SLIT2: variants seen among roughly 807,000 people sequenced by gnomAD.
SLIT2 encodes slit guidance ligand 2, also known as slit homolog 2 protein.
A neutral mutation model predicts 185.7 loss-of-function variants in SLIT2; 41 were observed. That is an observed-to-expected ratio of 0.22 (90% CI 0.17 to 0.29). The LOEUF is 0.29. Ranked by LOEUF, SLIT2 falls within the 10% of genes least tolerant of loss-of-function variation. The pLI, the probability that SLIT2 is intolerant of heterozygous loss-of-function variation, is 1.00. For missense variants in SLIT2, 1,571 were observed against 1,909.0 expected (o/e 0.82, Z 3.30); for synonymous variants, 693 against 680.2 (o/e 1.02, Z -0.29).
At chr4:20,426,130 T>C (rs1025555524) in intron 4 of SLIT2, among the ~76,000 whole-genome samples, 1 of 152,158 alleles carries the variant, frequency 6.6e-6, no homozygotes, top group Non-Finnish European at 1.5e-5. Flanking sequence ...CAGTGTGTAG[T>C]GTGGTACCTA....
intron 4 of SLIT2, among the ~76,000 whole-genome samples, chr4:20,361,414 G>A (rs1560352827): frequency 6.6e-6 from 1 of 152,042 alleles, no homozygotes; most frequent in Non-Finnish European, 1.5e-5. Context: ...AAAACTGGAG[G>A]ACAACATATT....
chr4:20,401,875 A>G (rs1436368986), intron 4 of SLIT2, among the ~76,000 whole-genome samples: 3 of 151,972 alleles, frequency 2.0e-5, no homozygotes, highest in Non-Finnish European at 4.4e-5. Context: ...ATCTTAGTTT[A>G]TAAAAATTAT....
chr4:20,487,395 C>T (rs1027005089), intron 7 of SLIT2, among the ~76,000 whole-genome samples: 3 of 152,122 alleles, frequency 2.0e-5, no homozygotes, highest in African/African-American at 7.2e-5. Flanking sequence ...TTGATTCAAG[C>T]TTTCAATCTT....
chr4:20,361,854 A>C (rs1722768318), intron 4 of SLIT2, among the ~76,000 whole-genome samples: 2 of 152,148 alleles, frequency 1.3e-5, no homozygotes, highest in Admixed American at 1.3e-4. Flanking sequence ...CACAAAAAGC[A>C]TTCACATTTT....
At chr4:20,438,518 C>G (rs1729517200) in intron 4 of SLIT2, among the ~76,000 whole-genome samples, 1 of 152,164 alleles carries the variant, frequency 6.6e-6, no homozygotes, top group African/African-American at 2.4e-5. Flanking sequence ...TCATCTCCCA[C>G]TGGTTCCCTC....
At chr4:20,540,621 A>G (rs1214233524) in intron 19 of SLIT2, among the ~76,000 whole-genome samples, 2 of 152,220 alleles carry the variant, frequency 1.3e-5, no homozygotes, top group African/African-American at 4.8e-5. Flanking sequence ...TCTAACTGAT[A>G]AGATTTCTCA....
intron 34 of SLIT2, 71 bp downstream of exon 34, chr4:20,610,238 G>A: frequency 1.5e-6 from 2 of 1,335,302 alleles, no homozygotes; most frequent in Non-Finnish European, 2.1e-6. Context: ...TCTGAAGTTT[G>A]TTAATGCCTA....
chr4:20,431,430 C>T (rs922210171), intron 4 of SLIT2, among the ~76,000 whole-genome samples: 2 of 151,950 alleles, frequency 1.3e-5, no homozygotes, highest in South Asian at 2.1e-4. Flanking sequence ...GCAGCTATCC[C>T]CAGAGCAGCC....
intron 4 of SLIT2, among the ~76,000 whole-genome samples, chr4:20,370,156 A>G (rs954017493): frequency 6.6e-6 from 1 of 151,970 alleles, no homozygotes; most frequent in Non-Finnish European, 1.5e-5. Context: ...CCTACCTTAC[A>G]TCATATCTGC....
chr4:20,254,410 C>A lies in SLIT2; in HGVS notation c.179+416C>A, dbSNP rs922080316. Among the ~76,000 whole-genome samples the A allele has an allele frequency of 5.9e-5, 9 of 152,180 alleles. No homozygotes were observed. Among genetic ancestry groups the A allele is most frequent in the African/African-American group, 2.2e-4 (9 of 41,446 alleles). On this transcript the variant is annotated intron_variant, in intron 1 of 36. Coordinates refer to ENST00000504154, the MANE Select transcript of SLIT2 (RefSeq NM_004787.4). The surrounding 1 kb of genome is among the most constrained non-coding windows in gnomAD (Gnocchi z 5.1). ...TTCAGAGCCCAGTCCTCGCTCTTGT[C>A]GCAGGCTGGCGCGGAGGGGATAGCA... is the stretch of plus-strand genomic sequence containing the variant.
chr4:20,511,424 T>C (rs1719701956), intron 11 of SLIT2, among the ~76,000 whole-genome samples: 1 of 140,514 alleles, frequency 7.1e-6, no homozygotes, highest in East Asian at 2.0e-4. Context: ...TTATTTCTTT[T>C]TTTTTTTTTT....
At chr4:20,354,900 TGTGTGTGAGAGAGAGA>T (rs1257526804) in intron 4 of SLIT2, among the ~76,000 whole-genome samples, 12 of 113,928 alleles carry the variant, frequency 1.1e-4, no homozygotes, top group East Asian at 1.1e-3. Flanking sequence ...TGTGTGTGTG[TGTGTGTGAGAGAGAGA>T]GAGAGAGAGA....
At position 20,331,610 on chromosome 4, in the gene SLIT2, A is replaced by AT. The variant is rs564650625; in HGVS notation, c.395+62735dup. ...TTCTTACATCAATCTTTGCCACTAG[A>AT]TTTTTTAAATAAGAGCTTTCTTGAA... On this transcript the variant is annotated intron_variant, in intron 4 of 36. Coordinates refer to ENST00000504154, the MANE Select transcript of SLIT2 (RefSeq NM_004787.4). Among the ~76,000 whole-genome samples, 5 of 152,218 alleles carry AT rather than the reference A, an allele frequency of 3.3e-5. No individual in the cohort carries two copies. The South Asian group carries it at 1.0e-3, about 32-fold the overall frequency.
At position 20,321,238 on chromosome 4, in the gene SLIT2, C is replaced by G. The variant is rs1333204535; in HGVS notation, c.395+52357C>G. ...TTTCTGTTAATGATCCCAAATTTCT[C>G]CAAAGAAGCCCAGGCTACACATCAC... On this transcript the variant is annotated intron_variant, in intron 4 of 36. Coordinates refer to ENST00000504154, the MANE Select transcript of SLIT2 (RefSeq NM_004787.4). 4.6e-5 allele frequency among the ~76,000 whole-genome samples: 7 copies of G among 152,294 alleles called. No individual in the cohort carries two copies. The East Asian group carries it at 1.4e-3, about 29-fold the overall frequency.
chr4:20,557,149 T>G (rs918472358), intron 26 of SLIT2, among the ~76,000 whole-genome samples: 3 of 152,096 alleles, frequency 2.0e-5, no homozygotes, highest in Non-Finnish European at 4.4e-5. Flanking sequence ...CTCCAAGTAC[T>G]GATGTAGAAG....
At chr4:20,255,270 C>G (rs1249120771) in intron 1 of SLIT2, among the ~76,000 whole-genome samples, 1 of 152,222 alleles carries the variant, frequency 6.6e-6, no homozygotes, top group Non-Finnish European at 1.5e-5. Context: ...TCAAGTCGCC[C>G]TTCTTATCCA....
chr4:20,609,950 T>C (rs1729084625), intron 33 of SLIT2, 63 bp from the exon 34 acceptor site: 1 of 1,474,496 alleles, frequency 6.8e-7, no homozygotes, highest in Non-Finnish European at 9.1e-7. Flanking sequence ...AAGTTTGTAA[T>C]TTAACTACCT....
At chr4:20,466,467 T>C (rs1714365159) in intron 4 of SLIT2, among the ~76,000 whole-genome samples, 1 of 152,216 alleles carries the variant, frequency 6.6e-6, no homozygotes, top group Admixed American at 6.5e-5. Flanking sequence ...AGACCTTTAC[T>C]GTTTAAATAG....
chr4:20,390,179 C>G (rs1725301554), intron 4 of SLIT2, among the ~76,000 whole-genome samples: 1 of 152,136 alleles, frequency 6.6e-6, no homozygotes, highest in Non-Finnish European at 1.5e-5. Context: ...CTTGCTGCAT[C>G]AGAATACCTT....
Sources: gnomAD v4.1 joint callset for allele counts (sites outside exome capture counted in the v4.1 genomes callset) on GRCh38, gnomAD v4.1.1 for gene constraint, Gnocchi (gnomAD v3.1) non-coding constraint, MANE v1.5 for transcripts, NCBI Gene and HGNC (gene_info 2026-07-23, HGNC 2026-07-21) for gene names.